MED7: variants seen among roughly 807,000 people sequenced by gnomAD.
The protein encoded by MED7 is mediator of RNA polymerase II transcription subunit 7.
A neutral mutation model predicts 16.6 loss-of-function variants in MED7; 7 were observed. The ratio of observed to expected loss-of-function variants is 0.42; its 90% CI spans 0.24 to 0.79. MED7 has a LOEUF of 0.79. Ranked by LOEUF, MED7 falls within the 30% of genes least tolerant of loss-of-function variation. MED7 has a pLI of 0.27. For missense variants in MED7, 240 were observed against 286.3 expected (o/e 0.84, Z 1.17); for synonymous variants, 88 against 90.5 (o/e 0.97, Z 0.16).
intron 1 of MED7, among the ~76,000 whole-genome samples, chr5:157,142,080 A>C (rs1007779644): frequency 1.8e-4 from 28 of 152,298 alleles, no homozygotes; most frequent in African/African-American, 6.7e-4. Context: ...TACAATAAGG[A>C]CTGGCATATC....
chr5:157,140,923 T>G (rs1253206421), intron 1 of MED7, among the ~76,000 whole-genome samples: 1 of 152,218 alleles, frequency 6.6e-6, no homozygotes, highest in Admixed American at 6.5e-5. Context: ...TTCACTCAGA[T>G]TCTCCAAATG....
Position 157,139,145 on chromosome 5 carries a change from A to G in MED7, c.287T>C (p.Leu96Ser). The change falls in exon 2 of 2, where the codon TTA becomes TCA. Residue 96 changes from leucine (L) to serine (S), a missense_variant. Coordinates refer to ENST00000286317, the MANE Select transcript of MED7 (RefSeq NM_004270.5). ...LINFLDLLDI[L>S]IRSPGSIKRE... ...TTTTATACTCCCAGGGCTCCTTATT[A>G]AAATATCTAAAAGGTCCAAGAAATT... 1 of 1,613,350 alleles carries G rather than the reference A, an allele frequency of 6.2e-7. No homozygotes were observed.
At chr5:157,141,816 C>T (rs1757729023) in intron 1 of MED7, among the ~76,000 whole-genome samples, 1 of 152,074 alleles carries the variant, frequency 6.6e-6, no homozygotes, top group South Asian at 2.1e-4. Flanking sequence ...GTCTGGAACT[C>T]CTGACCTCAA....
At chr5:157,141,235 G>A (rs940905794) in intron 1 of MED7, among the ~76,000 whole-genome samples, 3 of 151,958 alleles carry the variant, frequency 2.0e-5, no homozygotes, top group African/African-American at 4.8e-5. Context: ...CGCCCGCCAC[G>A]ACGCCCGGCT....
At position 157,142,831 on chromosome 5, in the gene MED7, C is replaced by A. The variant is rs1473843334; in HGVS notation, c.-29G>T. The A allele has an allele frequency of 6.6e-6, 1 of 152,420 alleles. No individual in the cohort carries two copies. The highest frequency in any genetic ancestry group is 1.5e-5 in the Non-Finnish European group (1 of 68,194). 9.4% of individuals were successfully genotyped at this position (152,420 alleles called of 1,614,324 possible). ...TGCCGCCCACTTACCTCAGCTCTGG[C>A]TTTACACTGGTAGCCGCCTTCCCCT... On this transcript the variant is annotated 5_prime_UTR_variant, in exon 1 of 2. Coordinates refer to ENST00000286317, the MANE Select transcript of MED7 (RefSeq NM_004270.5).
In MED7 at chr5:157,139,037, C is replaced by G; in HGVS notation, c.395G>C (p.Arg132Thr). The change falls in exon 2 of 2, where the codon AGA becomes ACA. Residue 132 changes from arginine (R) to threonine (T), a missense_variant. Coordinates refer to ENST00000286317, the MANE Select transcript of MED7 (RefSeq NM_004270.5). ...LINEYRPHQA[R>T]ETLRVMMEVQ... is the part of the protein sequence containing the mutation. ...CTCCATCATGACTCTCAAGGTCTCT[C>G]TTGCTTGGTGGGGTCGGTATTCATT... is the stretch of plus-strand genomic sequence containing the variant. 1 of 1,614,128 alleles carries G rather than the reference C, an allele frequency of 6.2e-7. No homozygotes were observed. The highest frequency in any genetic ancestry group is 8.5e-7 in the Non-Finnish European group (1 of 1,180,026).
intron 1 of MED7, 46 bp from the exon 2 acceptor site, chr5:157,139,494 G>C: frequency 8.7e-7 from 1 of 1,146,816 alleles, no homozygotes; most frequent in South Asian, 2.0e-5. Flanking sequence ...AGACAAACCT[G>C]TTACATTTCA....
chr5:157,140,823 T>A (rs962303684), intron 1 of MED7, among the ~76,000 whole-genome samples: 3 of 152,216 alleles, frequency 2.0e-5, no homozygotes, highest in African/African-American at 7.2e-5. Context: ...ATTACAGGCG[T>A]GAGCCACCAC....
intron 1 of MED7, among the ~76,000 whole-genome samples, chr5:157,141,092 T>A (rs72807015): frequency 6.6e-6 from 1 of 152,218 alleles, no homozygotes; most frequent in Non-Finnish European, 1.5e-5. Flanking sequence ...ACATTTTTTT[T>A]TTCCCTGAGA....
intron 1 of MED7, among the ~76,000 whole-genome samples, chr5:157,139,990 A>C (rs551228710): frequency 1.3e-5 from 2 of 152,278 alleles, no homozygotes; most frequent in Admixed American, 1.3e-4. Flanking sequence ...TATACTATGC[A>C]ATTTTATATG....
chr5:157,138,139 G>GA lies in MED7; in HGVS notation c.*590dup, dbSNP rs200635888. 3,001 of 150,036 alleles carry GA rather than the reference G, an allele frequency of 0.02. 104 individuals are homozygous for GA. The highest frequency in any genetic ancestry group is 0.07 in the African/African-American group (2,864 of 40,932). 9.3% of individuals were successfully genotyped at this position (150,036 alleles called of 1,614,324 possible). A position where few individuals can be genotyped will look rare whatever the true frequency, so the allele number is the denominator to read the frequency against. On this transcript the variant is annotated 3_prime_UTR_variant, in exon 2 of 2. Coordinates refer to ENST00000286317, the MANE Select transcript of MED7 (RefSeq NM_004270.5). ...AAAGGACTTATTACCTGAGTGACTG[G>GA]AAAAAAAAACAACAATTTATGGGAC...
Position 157,139,186 on chromosome 5 carries a change from A to G in MED7, c.246T>C (p.Asn82=), listed in dbSNP as rs559873311. The stretch of plus-strand genomic sequence containing the variant: ...CCAAGAAATTAATAAGGATAGACAT[A>G]TTAAGTTTTCTCAGTTCTTTCTTGT... ...FDHKKELRKL[N]MSILINFLDL... is the part of the protein sequence containing the mutation. The change falls in exon 2 of 2, where the codon AAT becomes AAC. Residue 82 remains asparagine, a synonymous_variant. Transcript: ENST00000286317. 46 of 1,612,480 alleles carry G rather than the reference A, an allele frequency of 2.9e-5. No homozygotes were observed. The highest frequency in any genetic ancestry group is 3.2e-5 in the Non-Finnish European group (38 of 1,179,636).
intron 1 of MED7, among the ~76,000 whole-genome samples, chr5:157,141,601 T>A (rs1057215196): frequency 6.6e-6 from 1 of 152,082 alleles, no homozygotes; most frequent in Non-Finnish European, 1.5e-5. Flanking sequence ...GTTAGTTTTG[T>A]TTTTTGAGAC....
chr5:157,139,694 A>T (rs1247339465), intron 1 of MED7, among the ~76,000 whole-genome samples: 1 of 140,744 alleles, frequency 7.1e-6, no homozygotes, highest in Admixed American at 7.2e-5. Context: ...GCATTAAAAA[A>T]TATGTAGCAT....
chr5:157,138,646 A>T lies in MED7; in HGVS notation c.*84T>A. The T allele has an allele frequency of 8.2e-7, 1 of 1,222,028 alleles. No homozygotes were observed. The highest frequency in any genetic ancestry group is 2.4e-5 in the East Asian group (1 of 42,344). The allele number at this position is 1,222,028 out of a possible 1,614,324, so 75.7% of individuals were successfully genotyped here. ...ATTAAAGCTGTTTACATTTTTAGTG[A>T]AACTTCTCTTAAGACTGTCCAAAAG... On this transcript the variant is annotated 3_prime_UTR_variant, in exon 2 of 2. Transcript: ENST00000286317.
At chr5:157,139,856 C>G (rs1757697986) in intron 1 of MED7, among the ~76,000 whole-genome samples, 1 of 152,084 alleles carries the variant, frequency 6.6e-6, no homozygotes, top group Non-Finnish European at 1.5e-5. Context: ...TTTCCAATAG[C>G]AAACACTTAC....
rs1265463449 is a variant in MED7 at position 157,138,414 on chromosome 5, T to C, written c.*316A>G. Reference sequence around the variant, plus strand: ...TCTTAAAGCAAATGCTAAATCCCCTTTTCAAAGACGAAAACTTTGCTATTA... The same window carrying C: ...TCTTAAAGCAAATGCTAAATCCCCTCTTCAAAGACGAAAACTTTGCTATTA... On this transcript the variant is annotated 3_prime_UTR_variant, in exon 2 of 2. Coordinates refer to ENST00000286317, the MANE Select transcript of MED7 (RefSeq NM_004270.5). 4.3e-6 allele frequency: 1 copy of C among 233,644 alleles called. No homozygotes were observed. The highest frequency in any genetic ancestry group is 8.2e-6 in the Non-Finnish European group (1 of 122,174). 14.5% of individuals were successfully genotyped at this position (233,644 alleles called of 1,614,324 possible). A position where few individuals can be genotyped will look rare whatever the true frequency, so the allele number is the denominator to read the frequency against.
intron 1 of MED7, among the ~76,000 whole-genome samples, chr5:157,141,506 T>A (rs1435138467): frequency 1.3e-5 from 2 of 152,234 alleles, no homozygotes; most frequent in Admixed American, 6.5e-5. Context: ...TAAGGCCAAC[T>A]ACATGACAGG....
chr5:157,141,200 C>A (rs977941735), intron 1 of MED7, among the ~76,000 whole-genome samples: 1 of 152,096 alleles, frequency 6.6e-6, no homozygotes, highest in Non-Finnish European at 1.5e-5. Context: ...CCTGCCTCAG[C>A]CGCCTGAGTA....
Sources: allele counts gnomAD v4.1 joint callset (sites outside exome capture counted in the v4.1 genomes callset), GRCh38; gene constraint gnomAD v4.1.1; transcripts MANE v1.5; gene names NCBI Gene and HGNC (gene_info 2026-07-23, HGNC 2026-07-21).